NRG3: variants seen among roughly 807,000 people sequenced by gnomAD.
NRG3 encodes the protein pro-neuregulin-3, membrane-bound isoform.
NRG3 carries 31 observed loss-of-function variants against 66.9 expected under a neutral mutation model. The observed-to-expected ratio is 0.46, with a 90% CI of 0.35 to 0.63. The LOEUF (loss-of-function observed/expected upper bound fraction) is 0.63. NRG3 is among the 20% of genes least tolerant of loss of function. NRG3 has a pLI of 0.00. For synonymous variants in NRG3, 393 were observed against 359.4 expected, an observed-to-expected ratio of 1.09 and a Z score of -1.06; for missense variants, 910 against 878.9, an observed-to-expected ratio of 1.04 and a Z score of -0.45.
chr10:81,954,379 T>G (rs545392532), intron 1 of NRG3, among the ~76,000 whole-genome samples: 3 of 152,334 alleles, frequency 2.0e-5, no homozygotes, highest in East Asian at 1.9e-4. Flanking sequence ...GAAGTGAAGT[T>G]ATTTTCTTTC....
At chr10:82,594,921 T>C (rs1223065073) in intron 2 of NRG3, among the ~76,000 whole-genome samples, 1 of 152,172 alleles carries the variant, frequency 6.6e-6, no homozygotes, top group Non-Finnish European at 1.5e-5. Flanking sequence ...TCTTTGACAA[T>C]AGAAGAATGA....
intron 2 of NRG3, among the ~76,000 whole-genome samples, chr10:82,615,398 G>A (rs887176912): frequency 6.6e-6 from 1 of 152,100 alleles, no homozygotes; most frequent in South Asian, 2.1e-4. Flanking sequence ...TTTTTTCATT[G>A]TTAATGGTAT....
intron 2 of NRG3, among the ~76,000 whole-genome samples, chr10:82,462,507 T>C (rs904386116): frequency 1.3e-5 from 2 of 152,104 alleles, no homozygotes; most frequent in African/African-American, 4.8e-5. Context: ...ATTAGTAATT[T>C]TGGGATGTAA....
intron 1 of NRG3, among the ~76,000 whole-genome samples, chr10:82,047,199 T>C (rs2063340691): frequency 6.6e-6 from 1 of 151,660 alleles, no homozygotes; most frequent in South Asian, 2.1e-4. Context: ...CATCTGGTCC[T>C]GGACTCCTTT....
intron 2 of NRG3, among the ~76,000 whole-genome samples, chr10:82,572,150 C>A (rs1205271691): frequency 6.6e-6 from 1 of 151,646 alleles, no homozygotes; most frequent in African/African-American, 2.4e-5. Flanking sequence ...GAAGTGAATT[C>A]TATACTTGAA....
rs982020856 is a variant in NRG3, at chr10:82,865,565, A to G, written c.1054+128A>G. 79 of 918,810 alleles carry G rather than the reference A, an allele frequency of 8.6e-5. No homozygotes were observed. In the East Asian group the frequency reaches 1.8e-3, roughly 21 times the overall value. The allele number at this position is 918,810 out of a possible 1,614,324, so 56.9% of individuals were successfully genotyped here. A position where few individuals can be genotyped will look rare whatever the true frequency, so the allele number is the denominator to read the frequency against. ...TATCAGATGCTATTAGTAGGAAAAA[A>G]TACTCTTGTCGAGTTTTCACTAAGT... On this transcript the variant is annotated intron_variant, in intron 4 of 8. Transcript: ENST00000372141.
chr10:82,831,908 C>A (rs342376), intron 3 of NRG3, among the ~76,000 whole-genome samples: 11 of 151,958 alleles, frequency 7.2e-5, no homozygotes, highest in Non-Finnish European at 1.0e-4. Context: ...ACCCACCCCC[C>A]CAACTACCTA....
intron 2 of NRG3, among the ~76,000 whole-genome samples, chr10:82,677,315 A>G (rs577277105): frequency 6.6e-6 from 1 of 152,204 alleles, no homozygotes; most frequent in South Asian, 2.1e-4. Flanking sequence ...TGTTGGGATT[A>G]TAGGCGCGAG....
intron 2 of NRG3, among the ~76,000 whole-genome samples, chr10:82,421,108 A>G (rs1027182810): frequency 1.3e-5 from 2 of 152,140 alleles, no homozygotes; most frequent in African/African-American, 4.8e-5. Context: ...ACAACTGTAT[A>G]GCAATAATGT....
At chr10:82,858,502 G>C (rs1265981510) in intron 3 of NRG3, among the ~76,000 whole-genome samples, 1 of 152,138 alleles carries the variant, frequency 6.6e-6, no homozygotes, top group Non-Finnish European at 1.5e-5. Flanking sequence ...GAAACTACTA[G>C]AGCATGATGA....
chr10:82,354,395 CTT>C (rs11308301), intron 1 of NRG3, among the ~76,000 whole-genome samples: 206 of 141,854 alleles, frequency 1.5e-3, no homozygotes, highest in Admixed American at 3.9e-3. Flanking sequence ...AAAAGTTGTC[CTT>C]TTTTTTTTTT....
chr10:82,512,778 A>G (rs1488295516), intron 2 of NRG3, among the ~76,000 whole-genome samples: 1 of 151,938 alleles, frequency 6.6e-6, no homozygotes, highest in Non-Finnish European at 1.5e-5. Context: ...TTAATTTTAT[A>G]GTTTTGTGTT....
At chr10:82,642,699 A>G in intron 2 of NRG3, among the ~76,000 whole-genome samples, 1 of 152,138 alleles carries the variant, frequency 6.6e-6, no homozygotes, top group African/African-American at 2.4e-5. Flanking sequence ...AAAGAAACTT[A>G]AATAAAAATA....
At chr10:82,531,126 A>G (rs887973396) in intron 2 of NRG3, among the ~76,000 whole-genome samples, 1 of 151,696 alleles carries the variant, frequency 6.6e-6, no homozygotes, top group Non-Finnish European at 1.5e-5. Context: ...TAGTGAAAGT[A>G]TTTTCTCAAT....
intron 2 of NRG3, among the ~76,000 whole-genome samples, chr10:82,584,274 C>G (rs1459488359): frequency 2.0e-5 from 3 of 151,932 alleles, no homozygotes; most frequent in Non-Finnish European, 2.9e-5. Context: ...TTAGTAGAGA[C>G]AGGGTTTCAT....
intron 1 of NRG3, among the ~76,000 whole-genome samples, chr10:82,248,361 C>T (rs181533947): frequency 3.3e-5 from 5 of 152,296 alleles, no homozygotes; most frequent in African/African-American, 1.2e-4. Flanking sequence ...TCTGCCCTCT[C>T]CATTCCCACT....
intron 1 of NRG3, among the ~76,000 whole-genome samples, chr10:82,050,736 ACT>A (rs1230663823): frequency 6.8e-6 from 1 of 147,986 alleles, no homozygotes; most frequent in Non-Finnish European, 1.5e-5. Flanking sequence ...AACCACCAAG[ACT>A]CTGATAATGT....
chr10:82,764,445 C>T (rs902729976), intron 3 of NRG3, among the ~76,000 whole-genome samples: 2 of 150,222 alleles, frequency 1.3e-5, no homozygotes, highest in African/African-American at 4.9e-5. Context: ...AATCTCGGCT[C>T]ACTGCAACCT....
At chr10:82,475,333 C>T (rs1460546279) in intron 2 of NRG3, among the ~76,000 whole-genome samples, 3 of 151,906 alleles carry the variant, frequency 2.0e-5, no homozygotes, top group African/African-American at 7.2e-5. Flanking sequence ...AACAATATAA[C>T]CAACAAATTG....
Sources: gnomAD v4.1 joint callset for allele counts (sites outside exome capture counted in the v4.1 genomes callset) on GRCh38, gnomAD v4.1.1 for gene constraint, MANE v1.5 for transcripts, NCBI Gene and HGNC (gene_info 2026-07-23, HGNC 2026-07-21) for gene names.